Variants in MYO1C observed in about 807,000 individuals in gnomAD.
MYO1C encodes the protein myosin IC.
MYO1C carries 104 observed loss-of-function variants against 150.8 expected under a neutral mutation model. That is an observed-to-expected ratio of 0.69 (90% CI 0.59 to 0.81). MYO1C has a LOEUF of 0.81. MYO1C is among the 30% of genes least tolerant of loss of function. The pLI is 0.00. For synonymous variants in MYO1C, 663 were observed against 579.9 expected, an observed-to-expected ratio of 1.14 and a Z score of -2.06; for missense variants, 1,504 against 1,435.0, an observed-to-expected ratio of 1.05 and a Z score of -0.78.
At chr17:1,472,087 G>T in intron 18 of MYO1C, 36 bp downstream of exon 18, 1 of 1,612,992 alleles carries the variant, frequency 6.2e-7, no homozygotes, top group Admixed American at 1.7e-5. Flanking sequence ...CTGCAGGGGA[G>T]GCCCGGCCCC....
At position 1,464,727 on chromosome 17, in the gene MYO1C, A is replaced by G. The variant is rs1208904791; in HGVS notation, c.*999T>C. The G allele has an allele frequency of 6.6e-6, 1 of 152,416 alleles. No individual in the cohort carries two copies. The highest frequency in any genetic ancestry group is 1.5e-5 in the Non-Finnish European group (1 of 68,104). 9.4% of individuals were successfully genotyped at this position (152,416 alleles called of 1,614,324 possible). ...AAGGGGCTGGGCTGGATGATCTCTC[A>G]GCGTCTTCCAACCTCTATGGTCTAA... On this transcript the variant is annotated 3_prime_UTR_variant, in exon 32 of 32. Transcript: ENST00000648651.
intron 17 of MYO1C, among the ~76,000 whole-genome samples, chr17:1,472,604 G>A (rs1008870047): frequency 1.3e-5 from 2 of 152,186 alleles, no homozygotes; most frequent in African/African-American, 2.4e-5. Context: ...GCTGCTCTGC[G>A]GGACCTGGAA....
Position 1,477,975 on chromosome 17 carries a change from A to AG in MYO1C, c.1402-5dup. ...TGAAATACTGGACGGGCTCCCACTG[A>AG]GGGGCAGAAGGGAAGGAAGGGATCA... On this transcript the variant is annotated splice_region_variant and splice_polypyrimidine_tract_variant and intron_variant, in intron 12 of 31. Coordinates refer to ENST00000648651, the MANE Select transcript of MYO1C (RefSeq NM_001080779.2). 6.2e-7 allele frequency: 1 copy of AG among 1,613,986 alleles called. No homozygotes were observed. The highest frequency in any genetic ancestry group is 1.1e-5 in the South Asian group (1 of 91,076).
In MYO1C at chr17:1,464,312, G is replaced by A. The variant is rs2074128962; in HGVS notation, c.*1414C>T. On this transcript the variant is annotated 3_prime_UTR_variant, in exon 32 of 32. Coordinates refer to ENST00000648651, the MANE Select transcript of MYO1C (RefSeq NM_001080779.2). ...CCAGGCCCTTGAGGGTAGGAGCAGG[G>A]AGAAGCAGCAGAAGGAGGTGATGCC... 1 of 152,624 alleles carries A rather than the reference G, an allele frequency of 6.6e-6. No homozygotes were observed. Among genetic ancestry groups the A allele is most frequent in the African/African-American group, 2.4e-5 (1 of 41,466 alleles). 9.5% of individuals were successfully genotyped at this position (152,624 alleles called of 1,614,324 possible).
At chr17:1,475,762 C>T (rs1052285819) in intron 14 of MYO1C, among the ~76,000 whole-genome samples, 10 of 152,168 alleles carry the variant, frequency 6.6e-5, no homozygotes, top group African/African-American at 1.7e-4. Context: ...ATTGAAGGCA[C>T]GGAGATGTTT....
intron 14 of MYO1C, among the ~76,000 whole-genome samples, chr17:1,476,544 T>C (rs1293077252): frequency 6.6e-6 from 1 of 152,208 alleles, no homozygotes; most frequent in African/African-American, 2.4e-5. Flanking sequence ...GCCCTGGCAC[T>C]GACCCCAGCT....
rs1423058614 is a variant in MYO1C at position 1,477,924 on chromosome 17, C to T, written c.1449G>A (p.Val483=). 2 of 1,614,192 alleles carry T rather than the reference C, an allele frequency of 1.2e-6. No homozygotes were observed. The highest frequency in any genetic ancestry group is 1.1e-5 in the South Asian group (1 of 91,082). The change falls in exon 13 of 32, where the codon GTG becomes GTA. Residue 483 remains valine, a synonymous_variant. Coordinates refer to ENST00000648651, the MANE Select transcript of MYO1C (RefSeq NM_001080779.2). ...AGATGATGCCCTTAAACTTCTCCTC[C>T]ACCAGATCACAGATGATTTTGTTGT... The part of the protein sequence containing the change: ...YFNNKIICDL[V]EEKFKGIISI...
chr17:1,478,054 G>A lies in MYO1C; in HGVS notation c.1401+33C>T. 6.2e-7 allele frequency: 1 copy of A among 1,612,468 alleles called. No homozygotes were observed. Among genetic ancestry groups the A allele is most frequent in the Non-Finnish European group, 8.5e-7 (1 of 1,178,614 alleles). On this transcript the variant is annotated intron_variant, in intron 12 of 31. Transcript: ENST00000648651. This position sits in a 1 kb window ranked among gnomAD's most constrained non-coding sequence, Gnocchi z 6.3. ...GGCCCCGATACCCAGGCTCCCCGTG[G>A]CCCACGGAGAGTGCCCCCAGGCTAG...
In MYO1C at chr17:1,480,719, A is replaced by C. The variant is rs753588726; in HGVS notation, c.794T>G (p.Leu265Arg). 8.7e-6 allele frequency: 14 copies of C among 1,614,046 alleles called. No homozygotes were observed. In the Admixed American group the frequency reaches 2.2e-4, roughly 25 times the overall value. ...CCAGCCACTCACCTTCACCAGGTAC[A>C]GGTAGCTCTGGGGGTTCCGTTCCAA... is the stretch of plus-strand genomic sequence containing the variant. ...LGLERNPQSYLYLVKGQCAKV... is the reference protein window; with the variant it reads ...LGLERNPQSYRYLVKGQCAKV... Residue 265 changes from leucine (L) to arginine (R), a missense_variant, in exon 6 of 32, where the codon CTG becomes CGG. Coordinates refer to ENST00000648651, the MANE Select transcript of MYO1C (RefSeq NM_001080779.2).
At chr17:1,475,454 C>A (rs1000703050) in intron 14 of MYO1C, among the ~76,000 whole-genome samples, 1 of 152,026 alleles carries the variant, frequency 6.6e-6, no homozygotes, top group Non-Finnish European at 1.5e-5. Context: ...GGGCCAGTGG[C>A]CTCCCTGATC....
chr17:1,477,483 G>T (rs1354863326), intron 14 of MYO1C, 22 bp downstream of exon 14: 1 of 1,608,956 alleles, frequency 6.2e-7, no homozygotes. Flanking sequence ...CTTGCCCCCA[G>T]CAGCCCCGCA....
chr17:1,477,869 C>G, intron 13 of MYO1C, 22 bp downstream of exon 13: 1 of 1,598,678 alleles, frequency 6.3e-7, no homozygotes, highest in Non-Finnish European at 8.6e-7. Context: ...AGCACCAGGC[C>G]TTGGAGGCGC....
intron 31 of MYO1C, 26 bp from the exon 32 acceptor site, chr17:1,465,778 A>G (rs199713554): frequency 7.6e-7 from 1 of 1,316,870 alleles, no homozygotes; most frequent in East Asian, 2.8e-5. Context: ...GAGACGGCCA[A>G]GTGGTGAGGG....
intron 31 of MYO1C, among the ~76,000 whole-genome samples, chr17:1,466,454 C>G (rs913631229): frequency 6.6e-6 from 1 of 152,126 alleles, no homozygotes; most frequent in Non-Finnish European, 1.5e-5. Flanking sequence ...CCTCAGCCTC[C>G]CAAGTAGCTG....
At chr17:1,491,536 G>GC (rs1447462895) in intron 1 of MYO1C, 2 of 770,278 alleles carry the variant, frequency 2.6e-6, no homozygotes, top group African/African-American at 2.0e-5. Context: ...GCGGCTCCCG[G>GC]CCCGGCCGCC....
chr17:1,490,428 G>A (rs372158154), intron 1 of MYO1C, among the ~76,000 whole-genome samples: 3 of 152,110 alleles, frequency 2.0e-5, no homozygotes, highest in African/African-American at 7.2e-5. Flanking sequence ...AACCCGGCAG[G>A]TGGAGGTTGC....
chr17:1,486,500 C>T (rs2150967445), intron 1 of MYO1C, among the ~76,000 whole-genome samples: 1 of 149,816 alleles, frequency 6.7e-6, no homozygotes, highest in South Asian at 2.1e-4. Flanking sequence ...CCCGGACCTC[C>T]TCCCTCCCTC....
chr17:1,476,950 C>T (rs1373881640), intron 14 of MYO1C, among the ~76,000 whole-genome samples: 4 of 151,472 alleles, frequency 2.6e-5, no homozygotes, highest in Non-Finnish European at 4.4e-5. Flanking sequence ...GCGATTCTCC[C>T]GCCTCAGCCT....
rs761410310 is a variant in MYO1C, at chr17:1,470,724, G to T, written c.2213-35C>A. 2.3e-5 allele frequency: 36 copies of T among 1,587,382 alleles called. No homozygotes were observed. In the East Asian group the frequency reaches 6.3e-4, roughly 28 times the overall value. The stretch of plus-strand genomic sequence containing the variant: ...GGAAAGAAAGGCAATTGGCCAGAGC[G>T]CGGGGAGCCAGCTGGGAGCCTGGTG... On this transcript the variant is annotated intron_variant, in intron 21 of 31. Transcript: ENST00000648651.
Sources: gnomAD v4.1 joint callset for allele counts (sites outside exome capture counted in the v4.1 genomes callset) on GRCh38, gnomAD v4.1.1 for gene constraint, Gnocchi (gnomAD v3.1) non-coding constraint, MANE v1.5 for transcripts, NCBI Gene and HGNC (gene_info 2026-07-23, HGNC 2026-07-21) for gene names.